Variants in HDAC9 observed in about 807,000 individuals in gnomAD.
HDAC9 encodes the protein histone deacetylase 9.
A neutral mutation model predicts 139.4 loss-of-function variants in HDAC9; 41 were observed. That is an observed-to-expected ratio of 0.29 (90% CI 0.23 to 0.38). The LOEUF is 0.38. Among genes scored for constraint, HDAC9 ranks in the 10% least tolerant of loss-of-function variants. HDAC9 has a pLI of 1.00. For synonymous variants in HDAC9, 517 were observed against 476.2 expected, an observed-to-expected ratio of 1.09 and a Z score of -1.12; for missense variants, 1,147 against 1,297.0, an observed-to-expected ratio of 0.88 and a Z score of 1.78.
At chr7:18,154,338 A>G (rs1228002780) in intron 1 of HDAC9, among the ~76,000 whole-genome samples, 3 of 152,226 alleles carry the variant, frequency 2.0e-5, no homozygotes, top group Non-Finnish European at 4.4e-5. Flanking sequence ...AGCTTTAGTA[A>G]TTAGATACCT....
At chr7:18,756,057 G>T (rs1359605988) in intron 14 of HDAC9, among the ~76,000 whole-genome samples, 1 of 152,024 alleles carries the variant, frequency 6.6e-6, no homozygotes, top group African/African-American at 2.4e-5. Flanking sequence ...AGAATCCTCT[G>T]GGTGGTTGGA....
chr7:18,933,778 TAAA>T (rs1781427885), intron 22 of HDAC9, among the ~76,000 whole-genome samples: 2 of 151,638 alleles, frequency 1.3e-5, no homozygotes, highest in African/African-American at 4.8e-5. Context: ...AAAGAAGAAA[TAAA>T]AACATAAACA....
chr7:18,624,446 A>G (rs1407643669), intron 6 of HDAC9, among the ~76,000 whole-genome samples: 1 of 152,222 alleles, frequency 6.6e-6, no homozygotes, highest in Non-Finnish European at 1.5e-5. Context: ...AGGCAAATGT[A>G]TTCAGATGAG....
intron 2 of HDAC9, among the ~76,000 whole-genome samples, chr7:18,511,172 A>C (rs1285845291): frequency 1.3e-5 from 2 of 152,182 alleles, no homozygotes; most frequent in African/African-American, 4.8e-5. Flanking sequence ...TATTAGAAAA[A>C]AATTATCTGA....
intron 2 of HDAC9, among the ~76,000 whole-genome samples, chr7:18,237,030 G>A (rs533834362): frequency 1.3e-5 from 2 of 152,314 alleles, no homozygotes; most frequent in South Asian, 4.1e-4. Flanking sequence ...AGTAGAGTTA[G>A]TCACTCTGTT....
At chr7:18,987,218 T>A (rs1361233839) in intron 25 of HDAC9, among the ~76,000 whole-genome samples, 1 of 152,216 alleles carries the variant, frequency 6.6e-6, no homozygotes, top group Non-Finnish European at 1.5e-5. Context: ...CATAGATAGC[T>A]CTTATTAATT....
At chr7:18,974,938 A>G (rs749361791) in intron 24 of HDAC9, among the ~76,000 whole-genome samples, 6 of 152,206 alleles carry the variant, frequency 3.9e-5, no homozygotes, top group Non-Finnish European at 8.8e-5. Flanking sequence ...CAAACACTGC[A>G]TACCAAAGTT....
intron 14 of HDAC9, among the ~76,000 whole-genome samples, chr7:18,750,895 CGTTTGT>C (rs1281417984): frequency 2.6e-5 from 4 of 152,182 alleles, no homozygotes; most frequent in African/African-American, 9.6e-5. Context: ...TTCACATTCA[CGTTTGT>C]GTTATATCCT....
chr7:18,118,963 G>C (rs1784193110), intron 1 of HDAC9, among the ~76,000 whole-genome samples: 1 of 152,164 alleles, frequency 6.6e-6, no homozygotes, highest in Non-Finnish European at 1.5e-5. Flanking sequence ...ATTTTTGTCA[G>C]CATGGGGATA....
intron 1 of HDAC9, among the ~76,000 whole-genome samples, chr7:18,399,593 G>C (rs1787357123): frequency 6.6e-6 from 1 of 152,182 alleles, no homozygotes; most frequent in Non-Finnish European, 1.5e-5. Flanking sequence ...CCAGGAAAGT[G>C]ATTGTCATTC....
chr7:18,214,535 A>G (rs1034749017), intron 2 of HDAC9, among the ~76,000 whole-genome samples: 1 of 152,116 alleles, frequency 6.6e-6, no homozygotes, highest in Non-Finnish European at 1.5e-5. Flanking sequence ...ACTGCTGGGG[A>G]AAAAATCTCA....
intron 6 of HDAC9, among the ~76,000 whole-genome samples, chr7:18,625,043 C>T (rs986847496): frequency 1.3e-5 from 2 of 151,926 alleles, no homozygotes; most frequent in Non-Finnish European, 2.9e-5. Flanking sequence ...AACCTTATGT[C>T]CTCAGATCAT....
intron 1 of HDAC9, among the ~76,000 whole-genome samples, chr7:18,406,506 G>A (rs751822124): frequency 9.9e-5 from 15 of 151,852 alleles, no homozygotes; most frequent in Non-Finnish European, 1.9e-4. Context: ...CCATTTTCCT[G>A]CCTCAGCCTC....
chr7:18,812,861 A>G lies in HDAC9; in HGVS notation c.2323-16300A>G, dbSNP rs374091619. 3.6e-4 allele frequency among the ~76,000 whole-genome samples: 55 copies of G among 151,776 alleles called. 2 individuals carry two copies. The South Asian group carries it at 0.011, about 30-fold the overall frequency. On this transcript the variant is annotated intron_variant, in intron 17 of 25. Coordinates refer to ENST00000686413, the MANE Select transcript of HDAC9 (RefSeq NM_178425.4). ...TCTTGAGTCTCATTTTCTTCTTTGC[A>G]CTTTTGTTTTTCTTGCCCTGTCTTT... is the stretch of plus-strand genomic sequence containing the variant.
At chr7:18,935,967 G>T in intron 23 of HDAC9, 25 bp downstream of exon 23, 2 of 1,602,636 alleles carry the variant, frequency 1.2e-6, no homozygotes, top group African/African-American at 2.7e-5. Context: ...GTACAAAGGG[G>T]CAGGGGTAAA....
intron 21 of HDAC9, among the ~76,000 whole-genome samples, chr7:18,863,766 G>T (rs570412128): frequency 6.6e-6 from 1 of 152,266 alleles, no homozygotes; most frequent in East Asian, 1.9e-4. Flanking sequence ...ACAGAGGTGG[G>T]GTAGGCGTGG....
At chr7:18,456,350 C>A (rs1045935313) in intron 1 of HDAC9, among the ~76,000 whole-genome samples, 4 of 152,156 alleles carry the variant, frequency 2.6e-5, no homozygotes, top group African/African-American at 9.7e-5. Flanking sequence ...GATTCTCTTG[C>A]CTCAGCCTCC....
At chr7:18,522,642 A>G (rs1805456526) in intron 2 of HDAC9, among the ~76,000 whole-genome samples, 1 of 152,096 alleles carries the variant, frequency 6.6e-6, no homozygotes, top group Admixed American at 6.6e-5. Context: ...CTAATGAGCA[A>G]ACAAACCAAA....
At chr7:18,102,401 C>T (rs770719124) in intron 1 of HDAC9, among the ~76,000 whole-genome samples, 1 of 152,094 alleles carries the variant, frequency 6.6e-6, no homozygotes, top group Non-Finnish European at 1.5e-5. Context: ...TTTGTAAGAA[C>T]AAATTAAAAT....
Sources: gnomAD v4.1 joint callset for allele counts (sites outside exome capture counted in the v4.1 genomes callset) on GRCh38, gnomAD v4.1.1 for gene constraint, MANE v1.5 for transcripts, NCBI Gene and HGNC (gene_info 2026-07-23, HGNC 2026-07-21) for gene names.